TCF7L2: variants seen among roughly 807,000 people sequenced by gnomAD.
TCF7L2 encodes the protein transcription factor 7 like 2, also known as transcription factor 7-like 2.
In TCF7L2, 23 loss-of-function variants were observed where a neutral mutation model predicts 77.9. That is an observed-to-expected ratio of 0.30 (90% CI 0.21 to 0.42). The LOEUF (loss-of-function observed/expected upper bound fraction) is 0.42. Among genes scored for constraint, TCF7L2 ranks in the 10% least tolerant of loss-of-function variants. The probability of loss-of-function intolerance (pLI) is 1.00; values close to 1 mark genes in which losing one functional copy is unlikely to be tolerated. For synonymous variants in TCF7L2, 413 were observed against 340.2 expected (o/e 1.21, Z -2.36); for missense variants, 654 against 793.1 (o/e 0.82, Z 2.11).
intron 5 of TCF7L2, among the ~76,000 whole-genome samples, chr10:113,117,434 CCTCT>C (rs869299420): frequency 5.0e-5 from 2 of 39,776 alleles, no homozygotes; most frequent in Non-Finnish European, 4.3e-5. Flanking sequence ...TCTCTCTCTC[CCTCT>C]CTCTCTCTCT....
intron 4 of TCF7L2, among the ~76,000 whole-genome samples, chr10:113,012,742 T>C (rs754297178): frequency 2.2e-4 from 33 of 152,224 alleles, no homozygotes; most frequent in Non-Finnish European, 4.1e-4. Flanking sequence ...AGCTTCCTTC[T>C]GGATCTGTCT....
chr10:113,085,671 C>T (rs2059765111), intron 5 of TCF7L2, among the ~76,000 whole-genome samples: 1 of 152,152 alleles, frequency 6.6e-6, no homozygotes, highest in African/African-American at 2.4e-5. Context: ...TGGCTGTGTT[C>T]AGATCTGGTT....
At chr10:113,036,666 T>C (rs2051314459) in intron 4 of TCF7L2, among the ~76,000 whole-genome samples, 1 of 86,034 alleles carries the variant, frequency 1.2e-5, no homozygotes, top group South Asian at 3.7e-4. Context: ...CAAGATGGCC[T>C]TCTTTCTTTC....
intron 5 of TCF7L2, among the ~76,000 whole-genome samples, chr10:113,090,631 G>C (rs1352541613): frequency 6.6e-6 from 1 of 151,964 alleles, no homozygotes; most frequent in African/African-American, 2.4e-5. Flanking sequence ...TCTTTTTTGA[G>C]ATAGAGTCTC....
chr10:112,965,639 G>A (rs879454933), intron 4 of TCF7L2, among the ~76,000 whole-genome samples: 6,370 of 95,486 alleles, frequency 0.067, 167 homozygotes, highest in South Asian at 0.14. Context: ...ATGTGTGTGT[G>A]TGTGTGTGTG....
chr10:113,000,235 A>G (rs1473643353), intron 4 of TCF7L2, among the ~76,000 whole-genome samples: 2 of 151,892 alleles, frequency 1.3e-5, no homozygotes, highest in African/African-American at 4.8e-5. Context: ...TCCATCTGTG[A>G]TGGGTGTAGG....
At position 113,166,877 on chromosome 10, in the gene TCF7L2, T is replaced by A. The variant is rs2074064793; in HGVS notation, c.*905T>A. ...CACCAAATGGACATTAATAGTTGCA[T>A]TAAGGATCAGTAGCATTAACAAAAG... is the stretch of plus-strand genomic sequence containing the variant. On this transcript the variant is annotated 3_prime_UTR_variant, in exon 14 of 14. Coordinates refer to ENST00000627217, the MANE Select transcript of TCF7L2 (RefSeq NM_001146274.2). 4.4e-6 allele frequency: 1 copy of A among 229,328 alleles called. No homozygotes were observed. The highest frequency in any genetic ancestry group is 8.6e-6 in the Non-Finnish European group (1 of 115,700). 14.2% of individuals were successfully genotyped at this position (229,328 alleles called of 1,614,324 possible). A position where few individuals can be genotyped will look rare whatever the true frequency, so the allele number is the denominator to read the frequency against.
intron 5 of TCF7L2, chr10:113,129,818 C>T (rs1346452623): frequency 1.6e-6 from 2 of 1,288,808 alleles, no homozygotes; most frequent in Admixed American, 2.3e-5. Flanking sequence ...CTCGAAGGTA[C>T]AGAGAAAGTT....
chr10:112,968,502 T>A (rs1361081163), intron 4 of TCF7L2, among the ~76,000 whole-genome samples: 1 of 152,252 alleles, frequency 6.6e-6, no homozygotes, highest in Non-Finnish European at 1.5e-5. Flanking sequence ...ATTGACTGTT[T>A]ATGTTATCGG....
At chr10:113,104,668 T>C (rs147811582) in intron 5 of TCF7L2, among the ~76,000 whole-genome samples, 1 of 152,174 alleles carries the variant, frequency 6.6e-6, no homozygotes, top group Non-Finnish European at 1.5e-5. Flanking sequence ...CTTATTTAAT[T>C]TGATCTCAAA....
At chr10:113,146,653 T>C (rs2069485924) in intron 8 of TCF7L2, among the ~76,000 whole-genome samples, 1 of 152,104 alleles carries the variant, frequency 6.6e-6, no homozygotes, top group Non-Finnish European at 1.5e-5. Flanking sequence ...GATAAAGTTA[T>C]TTTTAATGAC....
chr10:113,101,653 T>TA (rs2061647803), intron 5 of TCF7L2, among the ~76,000 whole-genome samples: 1 of 151,182 alleles, frequency 6.6e-6, no homozygotes, highest in African/African-American at 2.4e-5. Context: ...TCATCCTGGC[T>TA]AACACAGTGA....
At chr10:113,070,913 C>T (rs578117198) in intron 5 of TCF7L2, among the ~76,000 whole-genome samples, 4 of 152,266 alleles carry the variant, frequency 2.6e-5, no homozygotes, top group East Asian at 3.9e-4. Context: ...CCACAAAACC[C>T]CCGTGTCTCC....
chr10:113,127,560 G>GTT (rs1412885843), intron 5 of TCF7L2, among the ~76,000 whole-genome samples: 33 of 151,820 alleles, frequency 2.2e-4, no homozygotes, highest in African/African-American at 7.3e-4. Context: ...TTGTTTTGTT[G>GTT]TTGTTGTTTT....
intron 4 of TCF7L2, among the ~76,000 whole-genome samples, chr10:112,985,246 C>G (rs997325396): frequency 6.6e-6 from 1 of 152,126 alleles, no homozygotes; most frequent in African/African-American, 2.4e-5. Context: ...GTTTTCTTGT[C>G]TTTTCAAACT....
chr10:113,129,735 G>A, intron 5 of TCF7L2: 1 of 1,239,388 alleles, frequency 8.1e-7, no homozygotes, highest in Admixed American at 3.0e-5. Context: ...TTTAAAGGGA[G>A]GGGAAGCTGG....
rs549577630 is a variant in TCF7L2, at chr10:112,955,299, A to G, written c.381+3692A>G. 2.6e-5 allele frequency among the ~76,000 whole-genome samples: 4 copies of G among 152,336 alleles called. No individual in the cohort carries two copies. The South Asian group carries it at 8.3e-4, about 32-fold the overall frequency. On this transcript the variant is annotated intron_variant, in intron 3 of 13. Coordinates refer to ENST00000627217, the MANE Select transcript of TCF7L2 (RefSeq NM_001146274.2). ...ATGCTAATTGTTTTTCATCTCCTTC[A>G]GAAATATTTATGGCGAACATGTTTA...
At chr10:113,054,573 A>AAAC (rs1050974218) in intron 5 of TCF7L2, among the ~76,000 whole-genome samples, 21 of 152,278 alleles carry the variant, frequency 1.4e-4, no homozygotes, top group African/African-American at 4.3e-4. Context: ...TTTAAAATTA[A>AAAC]AACAACAACA....
Position 112,950,669 on chromosome 10 carries a change from G to A in TCF7L2, c.-88G>A. The A allele has an allele frequency of 6.8e-7, 1 of 1,468,768 alleles. No homozygotes were observed. The highest frequency in any genetic ancestry group is 1.3e-5 in the South Asian group (1 of 75,792). 91.0% of individuals were successfully genotyped at this position (1,468,768 alleles called of 1,614,324 possible). On this transcript the variant is annotated 5_prime_UTR_variant, in exon 1 of 14. Coordinates refer to ENST00000627217, the MANE Select transcript of TCF7L2 (RefSeq NM_001146274.2). The stretch of plus-strand genomic sequence containing the variant: ...TCTTTTTCTTGCAATATTTTTTGGG[G>A]GGGCAAAACTTTTTGGGGGTGATTT...
Sources: gnomAD v4.1 joint callset for allele counts (sites outside exome capture counted in the v4.1 genomes callset) on GRCh38, gnomAD v4.1.1 for gene constraint, MANE v1.5 for transcripts, NCBI Gene and HGNC (gene_info 2026-07-23, HGNC 2026-07-21) for gene names.